EYA2: variants seen among roughly 807,000 people sequenced by gnomAD.
The protein encoded by EYA2 is protein phosphatase EYA2.
EYA2 carries 31 observed loss-of-function variants against 69.2 expected under a neutral mutation model. The observed-to-expected ratio is 0.45, with a 90% confidence interval of 0.34 to 0.60. The LOEUF is 0.60. Among genes scored for constraint, EYA2 ranks in the 20% least tolerant of loss-of-function variants. The probability of loss-of-function intolerance (pLI) is 0.02; values close to 1 mark genes in which losing one functional copy is unlikely to be tolerated. For missense variants in EYA2, 622 were observed against 701.2 expected, an observed-to-expected ratio of 0.89 and a Z score of 1.28; for synonymous variants, 257 against 279.4, an observed-to-expected ratio of 0.92 and a Z score of 0.80.
intron 5 of EYA2, among the ~76,000 whole-genome samples, chr20:47,041,848 T>G (rs543384483): frequency 1.3e-5 from 2 of 152,024 alleles, no homozygotes; most frequent in African/African-American, 2.4e-5. Context: ...ATTTTTTTTT[T>G]AATTTACAGA....
At chr20:46,969,114 G>A (rs183818485) in intron 1 of EYA2, among the ~76,000 whole-genome samples, 25 of 152,174 alleles carry the variant, frequency 1.6e-4, no homozygotes, top group Admixed American at 1.6e-3. Flanking sequence ...TTGATCCAAG[G>A]TGAAATCTAC....
intron 1 of EYA2, among the ~76,000 whole-genome samples, chr20:46,904,591 G>A (rs1413730660): frequency 6.6e-6 from 1 of 152,060 alleles, no homozygotes; most frequent in East Asian, 1.9e-4. Flanking sequence ...TAAAAGGGAA[G>A]TAATGGGAAG....
chr20:47,023,828 G>T (rs1983919983), intron 5 of EYA2, among the ~76,000 whole-genome samples: 1 of 152,052 alleles, frequency 6.6e-6, no homozygotes, highest in Middle Eastern at 3.4e-3. Context: ...AGTGGAGATG[G>T]GGTTTTGCCA....
rs558087999 is a variant in EYA2, at chr20:47,042,010, G to A, written c.415+25713G>A. On this transcript the variant is annotated intron_variant, in intron 5 of 15. Coordinates refer to ENST00000327619, the MANE Select transcript of EYA2 (RefSeq NM_005244.5). ...ATAAAATAAATATAAAATAAAATTG[G>A]TAAGAATATATTCACTAAAAGTTAA... is the stretch of plus-strand genomic sequence containing the variant. Among the ~76,000 whole-genome samples the A allele has an allele frequency of 1.3e-4, 20 of 152,064 alleles. No individual in the cohort carries two copies. In the South Asian group the frequency reaches 3.8e-3, roughly 29 times the overall value.
chr20:47,031,040 G>A (rs776264582), intron 5 of EYA2, among the ~76,000 whole-genome samples: 11 of 152,148 alleles, frequency 7.2e-5, no homozygotes, highest in East Asian at 1.9e-4. Flanking sequence ...TCAACATAAC[G>A]AATCTGGGGG....
At chr20:47,181,776 G>A (rs1386935211) in intron 14 of EYA2, among the ~76,000 whole-genome samples, 2 of 152,040 alleles carry the variant, frequency 1.3e-5, no homozygotes, top group Non-Finnish European at 2.9e-5. Flanking sequence ...AGCAATTTTG[G>A]TTTTACTGAA....
intron 5 of EYA2, among the ~76,000 whole-genome samples, chr20:47,047,795 C>T (rs1437925819): frequency 6.6e-6 from 1 of 152,138 alleles, no homozygotes; most frequent in East Asian, 1.9e-4. Context: ...ATGACCTTAT[C>T]GTTCTGGAAA....
At chr20:46,947,029 A>G (rs1600570371) in intron 1 of EYA2, among the ~76,000 whole-genome samples, 1 of 152,214 alleles carries the variant, frequency 6.6e-6, no homozygotes, top group South Asian at 2.1e-4. Context: ...CTGCTTTCCC[A>G]CTACAACAGC....
Position 47,146,051 on chromosome 20 carries a change from T to A in EYA2, c.978+2903T>A, listed in dbSNP as rs150486110. Among the ~76,000 whole-genome samples the A allele has an allele frequency of 5.9e-3, 902 of 152,100 alleles. 9 individuals carry two copies. Among genetic ancestry groups the A allele is most frequent in the Non-Finnish European group, 7.8e-3 (530 of 67,964 alleles). Reference sequence around the variant, plus strand: ...AGGGTGAGGTGAAGCCAAGAGGACTTGCTGATAGACTAGATGTGGAGGTTG... The same window carrying A: ...AGGGTGAGGTGAAGCCAAGAGGACTAGCTGATAGACTAGATGTGGAGGTTG... On this transcript the variant is annotated intron_variant, in intron 10 of 15. Coordinates refer to ENST00000327619, the MANE Select transcript of EYA2 (RefSeq NM_005244.5).
At chr20:47,142,957 G>A in intron 9 of EYA2, 102 bp from the exon 10 acceptor site, 1 of 1,042,822 alleles carries the variant, frequency 9.6e-7, no homozygotes, top group Admixed American at 2.3e-5. Flanking sequence ...AGCAGATGAG[G>A]AAAAACCAAA....
At chr20:47,036,772 A>G (rs1426250845) in intron 5 of EYA2, among the ~76,000 whole-genome samples, 1 of 152,204 alleles carries the variant, frequency 6.6e-6, no homozygotes, top group African/African-American at 2.4e-5. Flanking sequence ...TGTCACCTGC[A>G]TAACCAAGTA....
rs575518261 is a variant in EYA2 at position 47,106,092 on chromosome 20, T to G, written c.888+8924T>G. Among the ~76,000 whole-genome samples, 4 of 152,286 alleles carry G rather than the reference T, an allele frequency of 2.6e-5. No individual in the cohort carries two copies. In the South Asian group the frequency reaches 8.3e-4, roughly 32 times the overall value. On this transcript the variant is annotated intron_variant, in intron 9 of 15. Coordinates refer to ENST00000327619, the MANE Select transcript of EYA2 (RefSeq NM_005244.5). ...ATATATAGTCATCTTTTGTGTTTTG[T>G]TTTTTGTTTTTGTTTTTGTTTTTTA...
intron 1 of EYA2, among the ~76,000 whole-genome samples, chr20:46,955,650 T>C (rs1447598390): frequency 6.6e-6 from 1 of 152,228 alleles, no homozygotes; most frequent in Non-Finnish European, 1.5e-5. Flanking sequence ...CACAAATTCA[T>C]AGAGTTTTCT....
At chr20:47,182,628 T>TCAAAAAAAAAAAAAG (rs779945744) in intron 14 of EYA2, among the ~76,000 whole-genome samples, 1 of 84,340 alleles carries the variant, frequency 1.2e-5, no homozygotes, top group African/African-American at 6.5e-5. Flanking sequence ...AGACTCCGTC[T>TCAAAAAAAAAAAAAG]AAAAAAAAAA....
chr20:46,941,167 A>G (rs1279069406), intron 1 of EYA2, among the ~76,000 whole-genome samples: 1 of 152,218 alleles, frequency 6.6e-6, no homozygotes, highest in Non-Finnish European at 1.5e-5. Flanking sequence ...GGAATCCCAC[A>G]GACCCACATT....
At chr20:47,052,012 T>G (rs188517084) in intron 5 of EYA2, among the ~76,000 whole-genome samples, 1 of 152,144 alleles carries the variant, frequency 6.6e-6, no homozygotes, top group Non-Finnish European at 1.5e-5. Flanking sequence ...TGTGCCAGGT[T>G]CCAGCTGGAA....
chr20:47,019,892 G>A (rs1003810707), intron 5 of EYA2, among the ~76,000 whole-genome samples: 6 of 151,056 alleles, frequency 4.0e-5, no homozygotes, highest in African/African-American at 1.5e-4. Context: ...TCACTTTTCA[G>A]CCTGGGAGGT....
chr20:47,100,378 G>C (rs536376251), intron 9 of EYA2, among the ~76,000 whole-genome samples: 47 of 152,278 alleles, frequency 3.1e-4, no homozygotes, highest in Non-Finnish European at 4.0e-4. Flanking sequence ...GCCCTCTTAG[G>C]GGGGGTGGAC....
At chr20:47,182,345 G>A (rs1254788105) in intron 14 of EYA2, among the ~76,000 whole-genome samples, 1 of 151,120 alleles carries the variant, frequency 6.6e-6, no homozygotes, top group East Asian at 2.0e-4. Context: ...TGGTTAAGAT[G>A]GGTCAGGCGC....
Sources: allele counts gnomAD v4.1 joint callset (sites outside exome capture counted in the v4.1 genomes callset), GRCh38; gene constraint gnomAD v4.1.1; transcripts MANE v1.5; gene names NCBI Gene and HGNC (gene_info 2026-07-23, HGNC 2026-07-21).